EVC: variants seen among roughly 807,000 people sequenced by gnomAD.
EVC encodes EvC ciliary complex subunit 1.
Under a neutral mutation model 118.9 loss-of-function variants are expected in EVC, and 116 were observed. That is an observed-to-expected ratio of 0.98 (90% confidence interval 0.84 to 1.14). EVC has a LOEUF of 1.14. Ranked by LOEUF, EVC falls within the 50% of genes most tolerant of loss-of-function variation. The pLI, the probability that EVC is intolerant of heterozygous loss-of-function variation, is 0.00. For missense variants in EVC, 1,401 were observed against 1,246.4 expected (o/e 1.12, Z -1.87); for synonymous variants, 619 against 534.7 (o/e 1.16, Z -2.18).
chr4:5,747,077 G>T (rs1729468329), intron 7 of EVC, among the ~76,000 whole-genome samples: 1 of 152,068 alleles, frequency 6.6e-6, no homozygotes, highest in South Asian at 2.1e-4. Flanking sequence ...TCCTGGCAGG[G>T]ATGAGAGGAG....
chr4:5,740,316 C>A (rs995395245), intron 5 of EVC, among the ~76,000 whole-genome samples: 1 of 151,660 alleles, frequency 6.6e-6, no homozygotes, highest in Admixed American at 6.6e-5. Context: ...ACTAAAAATA[C>A]AAAAATTAGC....
chr4:5,762,154 T>G (rs1336572449), intron 11 of EVC, among the ~76,000 whole-genome samples: 1 of 129,584 alleles, frequency 7.7e-6, no homozygotes, highest in Non-Finnish European at 1.7e-5. Flanking sequence ...ATGCGGTGTT[T>G]GGTTTTTTGT....
chr4:5,804,661 C>T (rs1479944473), intron 16 of EVC, 69 bp from the exon 17 acceptor site: 8 of 1,402,836 alleles, frequency 5.7e-6, no homozygotes, highest in Non-Finnish European at 8.1e-6. Context: ...CACCCCAGCA[C>T]CTGCCCCAGA....
intron 2 of EVC, 38 bp from the exon 3 acceptor site, chr4:5,729,269 A>C (rs1361447175): frequency 6.2e-7 from 1 of 1,600,224 alleles, no homozygotes; most frequent in Admixed American, 1.7e-5. Context: ...TTCATTTTAC[A>C]GAAAGTTTCC....
At position 5,810,952 on chromosome 4, in the gene EVC, G is replaced by A; in HGVS notation, c.2895-1G>A. On this transcript the variant is annotated splice_acceptor_variant, in intron 20 of 20. Transcript: ENST00000264956. LOFTEE classifies it high-confidence loss of function. ...TGGCTGCCTTTCTTCTCTGTTTTAAGCAGCAAAAGGCTGAGTCAGCAAGAA... is the reference window on the plus strand; with the variant it reads ...TGGCTGCCTTTCTTCTCTGTTTTAAACAGCAAAAGGCTGAGTCAGCAAGAA... 2 of 1,611,562 alleles carry A rather than the reference G, an allele frequency of 1.2e-6. No individual in the cohort carries two copies. Among genetic ancestry groups the A allele is most frequent in the Non-Finnish European group, 1.7e-6 (2 of 1,178,732 alleles).
Position 5,741,784 on chromosome 4 carries a change from A to T in EVC, c.771A>T (p.Leu257=). 2 of 1,544,990 alleles carry T rather than the reference A, an allele frequency of 1.3e-6. No individual in the cohort carries two copies. Among genetic ancestry groups the T allele is most frequent in the Non-Finnish European group, 1.8e-6 (2 of 1,118,614 alleles). Residue 257 remains leucine, a synonymous_variant, in exon 6 of 21, where the codon CTA becomes CTT. Coordinates refer to ENST00000264956, the MANE Select transcript of EVC (RefSeq NM_153717.3). The part of the protein sequence containing the change: ...LLPKKKSDDE[L]YQKILSKQEK... ...CTAAAAAGAAGTCAGATGATGAACT[A>T]TACCAGAAGATCCTTTCAAAACAAG...
At chr4:5,712,710 C>T (rs1442098383) in intron 1 of EVC, among the ~76,000 whole-genome samples, 1 of 152,110 alleles carries the variant, frequency 6.6e-6, no homozygotes, top group Non-Finnish European at 1.5e-5. Flanking sequence ...CCGCAAAGAG[C>T]TGATGAGGGC....
chr4:5,821,871 GC>G, the EVC span: 1 of 1,531,778 alleles, frequency 6.5e-7, no homozygotes, highest in South Asian at 1.2e-5. The surrounding 1 kb of genome is among the most constrained non-coding windows in gnomAD (Gnocchi z 4.4). Context: ...AGCGCCAATC[GC>G]TGCTGGATGG....
At position 5,753,885 on chromosome 4, in the gene EVC, C is replaced by T. The variant is rs372236822; in HGVS notation, c.1416C>T (p.Ser472=). 1 of 1,613,770 alleles carries T rather than the reference C, an allele frequency of 6.2e-7. No homozygotes were observed. Among genetic ancestry groups the T allele is most frequent in the Admixed American group, 1.7e-5 (1 of 60,002 alleles). Residue 472 remains serine, a synonymous_variant, in exon 10 of 21, where the codon AGC becomes AGT. Coordinates refer to ENST00000264956, the MANE Select transcript of EVC (RefSeq NM_153717.3). ...TGGCCCAAGAGGAGGAACAGAGAAG[C>T]TTCCTGGCTGAGGCCCAGCCGACTG... ...LTLAQEEEQR[S]FLAEAQPTAD...
the EVC span, chr4:5,825,475 G>C: frequency 6.4e-7 from 1 of 1,552,336 alleles, no homozygotes; most frequent in Non-Finnish European, 8.6e-7. This position sits in a 1 kb window ranked among gnomAD's most constrained non-coding sequence, Gnocchi z 4.4. Flanking sequence ...GGGGAGCCTG[G>C]GCCACCACTC....
chr4:5,714,214 C>T (rs891360701), intron 1 of EVC, among the ~76,000 whole-genome samples: 5 of 152,124 alleles, frequency 3.3e-5, no homozygotes, highest in Non-Finnish European at 5.9e-5. Flanking sequence ...TTTGTAGGCA[C>T]TGTTTGTTCT....
chr4:5,714,049 G>T (rs1401683142), intron 1 of EVC, among the ~76,000 whole-genome samples: 1 of 152,200 alleles, frequency 6.6e-6, no homozygotes, highest in African/African-American at 2.4e-5. Context: ...ACACCTCGCT[G>T]TTCCCCGTAC....
chr4:5,828,612 G>A, the EVC span: 1 of 1,614,208 alleles, frequency 6.2e-7, no homozygotes, highest in East Asian at 2.2e-5. Context: ...CCTGGCTGAT[G>A]ACCACTAGTG....
chr4:5,730,502 A>G (rs1303099163), intron 3 of EVC, among the ~76,000 whole-genome samples: 2 of 152,048 alleles, frequency 1.3e-5, no homozygotes, highest in Non-Finnish European at 2.9e-5. Flanking sequence ...GATGAAGGGC[A>G]TTTCTCCATC....
rs530161702 is a variant in EVC at position 5,795,234 on chromosome 4, A to C, written c.1886+1517A>C. On this transcript the variant is annotated intron_variant, in intron 13 of 20. Transcript: ENST00000264956. ...TTTTGGTAGAATTTATTTTCAATTT[A>C]TTTTCTTTCAGGTATCAATATAACT... Among the ~76,000 whole-genome samples the C allele has an allele frequency of 1.3e-4, 20 of 152,218 alleles. No individual in the cohort carries two copies. In the South Asian group the frequency reaches 4.1e-3, roughly 32 times the overall value.
intron 19 of EVC, 114 bp downstream of exon 19, chr4:5,809,725 T>A: frequency 2.1e-6 from 2 of 965,472 alleles, no homozygotes; most frequent in Non-Finnish European, 3.2e-6. Flanking sequence ...GTGCCTAGGC[T>A]CTCTGGGCTT....
chr4:5,771,879 TTTTTATTTTA>T (rs900856703), intron 11 of EVC, among the ~76,000 whole-genome samples: 3 of 146,724 alleles, frequency 2.0e-5, no homozygotes, highest in Non-Finnish European at 3.0e-5. Context: ...GGAATGTGGC[TTTTTATTTTA>T]TTTTATTTTA....
At position 5,793,599 on chromosome 4, in the gene EVC, C is replaced by G. The variant is rs113468936; in HGVS notation, c.1777-9C>G. The G allele has an allele frequency of 3.3e-5, 51 of 1,550,746 alleles. No homozygotes were observed. In the African/African-American group the frequency reaches 5.9e-4, roughly 18 times the overall value. On this transcript the variant is annotated splice_polypyrimidine_tract_variant and intron_variant, in intron 12 of 20. Coordinates refer to ENST00000264956, the MANE Select transcript of EVC (RefSeq NM_153717.3). Reference sequence around the variant, plus strand: ...ACATGCCTGCTCTGTCCCTCTGTCCCGAGTTCAGGTGTGGATGGAGGAGTG... The same window carrying G: ...ACATGCCTGCTCTGTCCCTCTGTCCGGAGTTCAGGTGTGGATGGAGGAGTG...
intron 12 of EVC, among the ~76,000 whole-genome samples, chr4:5,786,247 C>T (rs889565565): frequency 2.6e-5 from 4 of 152,204 alleles, no homozygotes; most frequent in Admixed American, 6.5e-5. Context: ...TCTGTTGAAT[C>T]ATTTAATGGT....
Sources: gnomAD v4.1 joint callset for allele counts (sites outside exome capture counted in the v4.1 genomes callset) on GRCh38, gnomAD v4.1.1 for gene constraint, Gnocchi (gnomAD v3.1) non-coding constraint, MANE v1.5 for transcripts, NCBI Gene and HGNC (gene_info 2026-07-23, HGNC 2026-07-21) for gene names.